The following BCAS4 variants were observed in gnomAD, a reference collection of about 807,000 sequenced individuals.
BCAS4 encodes the protein breast carcinoma-amplified sequence 4.
In BCAS4, 9 loss-of-function variants were observed where a neutral mutation model predicts 15.7. The ratio of observed to expected loss-of-function variants is 0.57; its 90% CI spans 0.34 to 1.00. The LOEUF (loss-of-function observed/expected upper bound fraction) is 1.00. BCAS4 is among the 50% of genes least tolerant of loss of function. The probability of loss-of-function intolerance (pLI) is 0.02; values close to 1 mark genes in which losing one functional copy is unlikely to be tolerated. For missense variants in BCAS4, 225 were observed against 239.1 expected (o/e 0.94, Z 0.39); for synonymous variants, 101 against 99.5 (o/e 1.02, Z -0.09).
At chr20:50,870,325 G>A (rs1979573097) in intron 4 of BCAS4, among the ~76,000 whole-genome samples, 3 of 152,308 alleles carry the variant, frequency 2.0e-5, no homozygotes, top group Admixed American at 6.5e-5. Flanking sequence ...CGGGTTTGTA[G>A]AAACAGGGCA....
intron 1 of BCAS4, among the ~76,000 whole-genome samples, chr20:50,812,290 G>A (rs571382706): frequency 7.2e-5 from 11 of 151,728 alleles, no homozygotes; most frequent in African/African-American, 2.2e-4. Flanking sequence ...CCACTACCAC[G>A]CCCGGCTAAT....
At chr20:50,820,005 C>G (rs1258487913) in intron 2 of BCAS4, among the ~76,000 whole-genome samples, 1 of 152,196 alleles carries the variant, frequency 6.6e-6, no homozygotes, top group Non-Finnish European at 1.5e-5. Flanking sequence ...CATGCACCAC[C>G]ATGCCTGGCT....
Position 50,816,791 on chromosome 20 carries a change from A to ATTTTT in BCAS4, c.91-1393_91-1389dup, listed in dbSNP as rs35600563. ...AGACATGCACCACCATGCCTGGCTA[A>ATTTTT]TTTTTTTTTTTTTTTTTTTTTTTTT... On this transcript the variant is annotated intron_variant, in intron 1 of 4. Transcript: ENST00000371608. Among the ~76,000 whole-genome samples the ATTTTT allele has an allele frequency of 1.5e-3, 119 of 80,932 alleles. 7 individuals carry two copies. Among genetic ancestry groups the ATTTTT allele is most frequent in the African/African-American group, 2.8e-3 (46 of 16,152 alleles). 53.1% of individuals were successfully genotyped at this position (80,932 alleles called of 152,430 possible). A position where few individuals can be genotyped will look rare whatever the true frequency, so the allele number is the denominator to read the frequency against.
At chr20:50,796,581 G>T in intron 1 of BCAS4, among the ~76,000 whole-genome samples, 1 of 119,648 alleles carries the variant, frequency 8.4e-6, no homozygotes, top group Admixed American at 1.0e-4. Flanking sequence ...TGCAACCTCC[G>T]CCTCCCAGGT....
At chr20:50,840,218 G>A (rs1480441228) in intron 3 of BCAS4, among the ~76,000 whole-genome samples, 9 of 152,032 alleles carry the variant, frequency 5.9e-5, no homozygotes, top group Non-Finnish European at 1.2e-4. Context: ...TTATTTTTAA[G>A]TTTTTAAACT....
intron 4 of BCAS4, among the ~76,000 whole-genome samples, chr20:50,854,765 C>G (rs868671284): frequency 3.3e-5 from 5 of 152,206 alleles, no homozygotes; most frequent in African/African-American, 9.6e-5. Flanking sequence ...CCAAACCCCC[C>G]CCACCATGCG....
chr20:50,828,016 C>T (rs1401384391), intron 2 of BCAS4, among the ~76,000 whole-genome samples: 2 of 152,004 alleles, frequency 1.3e-5, no homozygotes, highest in African/African-American at 2.4e-5. Context: ...GTGTAAGCCA[C>T]TGTGCCCGGC....
intron 1 of BCAS4, among the ~76,000 whole-genome samples, chr20:50,813,265 C>CACCA (rs2088094456): frequency 6.6e-6 from 1 of 152,222 alleles, no homozygotes. Flanking sequence ...TCCACATCCT[C>CACCA]GCCAGCCCTC....
At chr20:50,837,871 C>T (rs757183237) in intron 3 of BCAS4, among the ~76,000 whole-genome samples, 3 of 152,214 alleles carry the variant, frequency 2.0e-5, no homozygotes, top group Admixed American at 6.5e-5. Context: ...TCGGCACTTT[C>T]GTCTGAGTTT....
chr20:50,861,015 T>C (rs1161099349), intron 4 of BCAS4, among the ~76,000 whole-genome samples: 1 of 143,262 alleles, frequency 7.0e-6, no homozygotes, highest in East Asian at 2.0e-4. Context: ...AAAAAAAAAG[T>C]CTGGATACGT....
intron 4 of BCAS4, among the ~76,000 whole-genome samples, chr20:50,858,071 C>G (rs1978860229): frequency 6.6e-6 from 1 of 152,138 alleles, no homozygotes; most frequent in South Asian, 2.1e-4. Context: ...GCCCCTGGGC[C>G]AGGCTTAACT....
chr20:50,869,431 C>A (rs142728751), intron 4 of BCAS4, among the ~76,000 whole-genome samples: 3 of 152,190 alleles, frequency 2.0e-5, no homozygotes, highest in Admixed American at 1.3e-4. Context: ...TCCACCCCCC[C>A]TTTTGGGGTG....
chr20:50,826,709 C>T (rs1207950266), intron 2 of BCAS4, among the ~76,000 whole-genome samples: 3 of 152,052 alleles, frequency 2.0e-5, no homozygotes, highest in East Asian at 1.9e-4. Flanking sequence ...CAATGGCTGA[C>T]GCCTGTAAAC....
At chr20:50,798,018 A>G (rs2087887374) in intron 1 of BCAS4, among the ~76,000 whole-genome samples, 1 of 151,924 alleles carries the variant, frequency 6.6e-6, no homozygotes, top group African/African-American at 2.4e-5. Flanking sequence ...ACAGGTGGCC[A>G]GGCACCATGG....
chr20:50,841,364 G>T (rs2088479043), intron 3 of BCAS4, among the ~76,000 whole-genome samples: 1 of 152,178 alleles, frequency 6.6e-6, no homozygotes, highest in Non-Finnish European at 1.5e-5. Context: ...AAGCATTTGG[G>T]CTATTTCTAT....
chr20:50,819,453 C>T (rs574711150), intron 2 of BCAS4, among the ~76,000 whole-genome samples: 18 of 152,270 alleles, frequency 1.2e-4, no homozygotes, highest in African/African-American at 4.1e-4. Flanking sequence ...CTGAGAAGCA[C>T]CGTGTCCGGA....
At chr20:50,876,395 C>T (rs1979942499) in intron 4 of BCAS4, 91 bp from the exon 5 acceptor site, 2 of 1,530,594 alleles carry the variant, frequency 1.3e-6, no homozygotes, top group Non-Finnish European at 1.8e-6. Context: ...ATGTGTGAGT[C>T]CTGCAGGATG....
At chr20:50,812,414 G>C (rs565209068) in intron 1 of BCAS4, among the ~76,000 whole-genome samples, 1 of 150,202 alleles carries the variant, frequency 6.7e-6, no homozygotes. Context: ...GATTACAGGC[G>C]TGAGCTACTG....
chr20:50,879,857 C>T (rs1209320427), downstream of BCAS4: 1 of 152,728 alleles, frequency 6.5e-6, no homozygotes, highest in Non-Finnish European at 1.5e-5. Context: ...TGCGGTAAGA[C>T]ATGAGGATGG....
Sources: allele counts gnomAD v4.1 joint callset (sites outside exome capture counted in the v4.1 genomes callset), GRCh38; gene constraint gnomAD v4.1.1; transcripts MANE v1.5; gene names NCBI Gene and HGNC (gene_info 2026-07-23, HGNC 2026-07-21).